The following UBE2E2 variants were observed in gnomAD, a reference collection of about 807,000 sequenced individuals.
UBE2E2 encodes ubiquitin-conjugating enzyme E2 E2.
Under a neutral mutation model 24.7 loss-of-function variants are expected in UBE2E2, and 6 were observed. That is an observed-to-expected ratio of 0.24 (90% CI 0.13 to 0.48). The LOEUF is 0.48. Among genes scored for constraint, UBE2E2 ranks in the 20% least tolerant of loss-of-function variants. UBE2E2 has a pLI of 0.99. For synonymous variants in UBE2E2, 104 were observed against 83.6 expected (o/e 1.24, Z -1.33); for missense variants, 169 against 245.0 (o/e 0.69, Z 2.07).
intron 3 of UBE2E2, among the ~76,000 whole-genome samples, chr3:23,439,782 C>T (rs150992471): frequency 1.3e-5 from 2 of 152,184 alleles, no homozygotes; most frequent in East Asian, 1.9e-4. Flanking sequence ...CATTGTATTT[C>T]TCACTCCATT....
intron 4 of UBE2E2, among the ~76,000 whole-genome samples, chr3:23,514,224 G>A (rs531748630): frequency 6.6e-6 from 1 of 152,250 alleles, no homozygotes; most frequent in South Asian, 2.1e-4. Flanking sequence ...ATCCTGAGAG[G>A]TACATTTTCT....
chr3:23,241,565 C>G (rs1697260797), intron 3 of UBE2E2, among the ~76,000 whole-genome samples: 2 of 152,098 alleles, frequency 1.3e-5, no homozygotes, highest in Admixed American at 6.6e-5. Context: ...ATCTTAGGGT[C>G]TCTGCACTGG....
intron 3 of UBE2E2, among the ~76,000 whole-genome samples, chr3:23,272,049 G>A (rs1379517423): frequency 6.6e-6 from 1 of 152,228 alleles, no homozygotes; most frequent in Non-Finnish European, 1.5e-5. Flanking sequence ...CCCTTGGGCA[G>A]TCAATGGGAC....
At chr3:23,299,688 T>A (rs9681372) in intron 3 of UBE2E2, among the ~76,000 whole-genome samples, 67,831 of 151,690 alleles carry the variant, frequency 0.45, 15,380 homozygotes, top group East Asian at 0.49. Flanking sequence ...TTTGCTGAGG[T>A]GTGCTTTACT....
In UBE2E2 at chr3:23,442,553, A is replaced by G. The variant is rs535280405; in HGVS notation, c.228-57055A>G. Among the ~76,000 whole-genome samples, 24 of 152,366 alleles carry G rather than the reference A, an allele frequency of 1.6e-4. No individual in the cohort carries two copies. In the East Asian group the frequency reaches 4.6e-3, roughly 29 times the overall value. On this transcript the variant is annotated intron_variant, in intron 3 of 5. Coordinates refer to ENST00000396703, the MANE Select transcript of UBE2E2 (RefSeq NM_152653.4). The stretch of plus-strand genomic sequence containing the variant: ...TACTATGAAGTATAGTTTTAAGTAT[A>G]CTAAATTAAAATGCCTTACATAAGG...
intron 5 of UBE2E2, among the ~76,000 whole-genome samples, chr3:23,582,879 G>GTGTGTGTC (rs1258465015): frequency 2.1e-5 from 3 of 144,752 alleles, no homozygotes; most frequent in Admixed American, 2.0e-4. Context: ...GTGTGTGTGT[G>GTGTGTGTC]TGTGTGTGTG....
At chr3:23,480,610 A>C (rs1202287669) in intron 3 of UBE2E2, among the ~76,000 whole-genome samples, 1 of 150,986 alleles carries the variant, frequency 6.6e-6, no homozygotes, top group African/African-American at 2.4e-5. Context: ...CGCCATGAAC[A>C]GAGCAAGACC....
At chr3:23,541,734 G>A (rs574094218) in intron 5 of UBE2E2, among the ~76,000 whole-genome samples, 4 of 152,194 alleles carry the variant, frequency 2.6e-5, no homozygotes, top group East Asian at 3.8e-4. Context: ...CCTTCTGAAA[G>A]CATTTTCCCA....
rs1034094386 is a variant in UBE2E2 at position 23,206,927 on chromosome 3, T to C, written c.-8-1765T>C. On this transcript the variant is annotated intron_variant, in intron 1 of 5. Coordinates refer to ENST00000396703, the MANE Select transcript of UBE2E2 (RefSeq NM_152653.4). The stretch of plus-strand genomic sequence containing the variant: ...AGTTTTATTTCAAGTTGTAATTTGA[T>C]TAAGAGTAATCAAAAGGATCCATTT... Among the ~76,000 whole-genome samples, 3 of 151,584 alleles carry C rather than the reference T, an allele frequency of 2.0e-5. No individual in the cohort carries two copies. In the South Asian group the frequency reaches 6.2e-4, roughly 31 times the overall value.
intron 3 of UBE2E2, among the ~76,000 whole-genome samples, chr3:23,282,651 C>T (rs1698516050): frequency 6.6e-6 from 1 of 152,084 alleles, no homozygotes; most frequent in South Asian, 2.1e-4. Context: ...TTTCAGGATA[C>T]AAATTCTATT....
intron 3 of UBE2E2, among the ~76,000 whole-genome samples, chr3:23,390,211 A>G (rs1294345242): frequency 6.6e-6 from 1 of 152,140 alleles, no homozygotes; most frequent in East Asian, 1.9e-4. Context: ...GCCCTGAATG[A>G]GAACAGTTAT....
intron 1 of UBE2E2, among the ~76,000 whole-genome samples, chr3:23,208,307 C>T (rs1559438953): frequency 6.6e-6 from 1 of 152,080 alleles, no homozygotes; most frequent in African/African-American, 2.4e-5. Context: ...CAGAATGTTT[C>T]AAGGTTCATC....
intron 3 of UBE2E2, among the ~76,000 whole-genome samples, chr3:23,460,851 T>G (rs918995296): frequency 6.6e-6 from 1 of 152,238 alleles, no homozygotes; most frequent in African/African-American, 2.4e-5. Context: ...AAATTATATT[T>G]AATTCACCTT....
At chr3:23,521,976 G>A (rs1231456346) in intron 4 of UBE2E2, among the ~76,000 whole-genome samples, 1 of 146,422 alleles carries the variant, frequency 6.8e-6, no homozygotes, top group Non-Finnish European at 1.5e-5. Context: ...GATTATTTGT[G>A]TACCTGTTTA....
intron 3 of UBE2E2, among the ~76,000 whole-genome samples, chr3:23,485,718 A>T (rs1199990213): frequency 2.0e-5 from 3 of 152,230 alleles, no homozygotes; most frequent in African/African-American, 7.2e-5. Context: ...TCACTGAATT[A>T]TAAACCAAGA....
chr3:23,217,360 C>T (rs899886352), intron 3 of UBE2E2, 48 bp downstream of exon 3: 2 of 1,548,056 alleles, frequency 1.3e-6, no homozygotes, highest in Non-Finnish European at 1.8e-6. Context: ...GCAGAAGGTG[C>T]ATTTGAACTG....
At chr3:23,230,074 T>C (rs1409931239) in intron 3 of UBE2E2, among the ~76,000 whole-genome samples, 2 of 152,232 alleles carry the variant, frequency 1.3e-5, no homozygotes, top group African/African-American at 4.8e-5. Context: ...ACTTGTAGTA[T>C]ATATTTATTT....
chr3:23,586,844 A>G (rs895010585), intron 5 of UBE2E2, among the ~76,000 whole-genome samples: 2 of 152,176 alleles, frequency 1.3e-5, no homozygotes, highest in Middle Eastern at 3.2e-3. Context: ...GTTATTTACC[A>G]TATCGGTATA....
At chr3:23,268,870 A>G (rs1179027160) in intron 3 of UBE2E2, among the ~76,000 whole-genome samples, 1 of 152,168 alleles carries the variant, frequency 6.6e-6, no homozygotes, top group African/African-American at 2.4e-5. Flanking sequence ...GATCAATGGA[A>G]CAGAACAGAG....
Sources: allele counts gnomAD v4.1 joint callset (sites outside exome capture counted in the v4.1 genomes callset), GRCh38; gene constraint gnomAD v4.1.1; transcripts MANE v1.5; gene names NCBI Gene and HGNC (gene_info 2026-07-23, HGNC 2026-07-21).